KIF25: variants seen among roughly 807,000 people sequenced by gnomAD.
The protein encoded by KIF25 is kinesin family member 25.
A neutral mutation model predicts 32.9 loss-of-function variants in KIF25; 19 were observed. The observed-to-expected ratio is 0.58, with a 90% CI of 0.40 to 0.85. The LOEUF is 0.85. Ranked by LOEUF, KIF25 falls within the 40% of genes least tolerant of loss-of-function variation. KIF25 has a pLI of 0.00. For synonymous variants in KIF25, 225 were observed against 213.7 expected, an observed-to-expected ratio of 1.05 and a Z score of -0.46; for missense variants, 485 against 507.0, an observed-to-expected ratio of 0.96 and a Z score of 0.42.
chr6:168,028,935 A>G (rs573432951), intron 5 of KIF25, among the ~76,000 whole-genome samples: 1 of 152,174 alleles, frequency 6.6e-6, no homozygotes, highest in Admixed American at 6.5e-5. Flanking sequence ...TAATTTTATG[A>G]CCTGCTGTTT....
rs751709752 is a variant in KIF25 at position 168,033,893 on chromosome 6, G to A, written c.179G>A (p.Cys60Tyr). The change falls in exon 8 of 13, where the codon TGT (cysteine) becomes TAT (tyrosine). Residue 60 changes from cysteine to tyrosine, a missense_variant. Cys to Tyr is a radical substitution (Grantham distance 194). Around this residue, in one of 2 missense-constraint regions of KIF25, gnomAD observed 480 missense variants for 470.3 expected, o/e 1.02. Transcript: ENST00000643607. ...LTSLLDGYNV[C>Y]VMAYGQTGSG... is the part of the protein sequence containing the mutation. ...GCTCTGAATTTTAGGTACAATGTTT[G>A]TGTTATGGCGTATGGACAGACGGGC... 6.2e-7 allele frequency: 1 copy of A among 1,613,958 alleles called. No individual in the cohort carries two copies. The highest frequency in any genetic ancestry group is 8.5e-7 in the Non-Finnish European group (1 of 1,179,824).
chr6:168,016,540 C>T (rs886388082), intron 4 of KIF25, among the ~76,000 whole-genome samples: 13 of 152,222 alleles, frequency 8.5e-5, no homozygotes, highest in African/African-American at 2.9e-4. Context: ...GGATACAAAT[C>T]ACGGTAGCAA....
In KIF25 at chr6:168,011,603, C is replaced by T. The variant is rs116826746; in HGVS notation, c.-162-6370C>T. ...GACTTATATGTGACTTAATGCTTTT[C>T]TCTTGCTGCTTTTAAAATTATTTGT... On this transcript the variant is annotated intron_variant, in intron 4 of 12. Transcript: ENST00000643607. Among the ~76,000 whole-genome samples the T allele has an allele frequency of 4.5e-3, 689 of 152,300 alleles. 3 individuals carry two copies. The highest frequency in any genetic ancestry group is 0.014 in the Middle Eastern group (4 of 294).
chr6:168,022,676 C>T (rs1011542407), intron 5 of KIF25, among the ~76,000 whole-genome samples: 36 of 151,890 alleles, frequency 2.4e-4, no homozygotes, highest in African/African-American at 8.2e-4. Flanking sequence ...TTTGTTGCCA[C>T]TGACTGTAGT....
chr6:168,030,921 G>A (rs747460661), intron 7 of KIF25, 74 bp downstream of exon 7: 166 of 1,214,192 alleles, frequency 1.4e-4, no homozygotes, highest in Non-Finnish European at 1.8e-4. Flanking sequence ...GTGCTGTGGA[G>A]TGAGAATGTA....
chr6:168,038,650 A>G lies in KIF25; in HGVS notation c.415A>G (p.Ile139Val). The change falls in exon 9 of 13, where the codon ATT (isoleucine) becomes GTT (valine). Residue 139 changes from isoleucine (I) to valine (V), a missense_variant. Coordinates refer to ENST00000643607, the MANE Select transcript of KIF25 (RefSeq NM_030615.4). The part of the protein sequence containing the change: ...DIFDLLAKDS[I>V]AAVSGVKREV... ...TTTTGACCTTCTGGCCAAAGACAGC[A>G]TTGCAGCAGTGTCGGGGGTCAAGCG... 6.2e-7 allele frequency: 1 copy of G among 1,614,220 alleles called. No homozygotes were observed. The highest frequency in any genetic ancestry group is 8.5e-7 in the Non-Finnish European group (1 of 1,180,040).
chr6:168,008,853 G>T (rs565742672), intron 4 of KIF25, among the ~76,000 whole-genome samples: 26 of 152,058 alleles, frequency 1.7e-4, no homozygotes, highest in African/African-American at 6.0e-4. Flanking sequence ...AAATGGGAGT[G>T]CCTTTTAAAT....
chr6:168,030,823 C>G lies in KIF25; in HGVS notation c.143C>G (p.Pro48Arg), dbSNP rs202244742. 1.9e-5 allele frequency: 31 copies of G among 1,613,078 alleles called. No individual in the cohort carries two copies. Among genetic ancestry groups the G allele is most frequent in the Non-Finnish European group, 2.5e-5 (30 of 1,179,490 alleles). The change falls in exon 7 of 13, where the codon CCC (proline) becomes CGC (arginine). Residue 48 changes from proline to arginine, a missense_variant. By Grantham distance (103) the Pro-to-Arg change is moderately radical (BLOSUM62 -2). Around this residue, in one of 2 missense-constraint regions of KIF25, gnomAD observed 480 missense variants for 470.3 expected, o/e 1.02. Coordinates refer to ENST00000643607, the MANE Select transcript of KIF25 (RefSeq NM_030615.4). ...AGCGCGGTCTTTGGAGATGTGTGCCCCCTACTCACTTCTCTCTTGGATGGG... is the reference window on the plus strand; with the variant it reads ...AGCGCGGTCTTTGGAGATGTGTGCCGCCTACTCACTTCTCTCTTGGATGGG... ...SQSAVFGDVC[P>R]LLTSLLDGYN...
intron 4 of KIF25, among the ~76,000 whole-genome samples, chr6:168,005,554 C>A (rs1279991493): frequency 6.6e-6 from 1 of 152,166 alleles, no homozygotes; most frequent in African/African-American, 2.4e-5. Flanking sequence ...GGAATAGATA[C>A]ATATGTAGAG....
intron 3 of KIF25, among the ~76,000 whole-genome samples, 156 bp from the exon 4 acceptor site, chr6:168,003,458 A>G (rs570732660): frequency 6.7e-6 from 1 of 149,404 alleles, no homozygotes; most frequent in East Asian, 1.9e-4. Context: ...AGAGACAGAG[A>G]TGATGGCAGA....
intron 8 of KIF25, among the ~76,000 whole-genome samples, chr6:168,038,175 T>G (rs60643150): frequency 0.024 from 3,589 of 152,220 alleles, 160 homozygotes; most frequent in African/African-American, 0.082. Context: ...AGTGCTAGAG[T>G]CCTGAACATC....
At chr6:168,006,500 A>G (rs1798581868) in intron 4 of KIF25, among the ~76,000 whole-genome samples, 1 of 152,156 alleles carries the variant, frequency 6.6e-6, no homozygotes, top group Non-Finnish European at 1.5e-5. Flanking sequence ...GATATTCCAC[A>G]CTTGTGGCAC....
rs185157742 is a variant in KIF25 at position 168,044,014 on chromosome 6, C to A, written c.986-813C>A. 3.3e-4 allele frequency among the ~76,000 whole-genome samples: 51 copies of A among 152,290 alleles called. 1 individual carries two copies. The highest frequency in any genetic ancestry group is 3.5e-4 in the Non-Finnish European group (24 of 68,004). On this transcript the variant is annotated intron_variant, in intron 12 of 12. Coordinates refer to ENST00000643607, the MANE Select transcript of KIF25 (RefSeq NM_030615.4). ...TGAGGGAGATCTAGAAAGAACAGCCCCAGGGGGCTGAGCGTCCCTCAGGGT... is the reference window on the plus strand; with the variant it reads ...TGAGGGAGATCTAGAAAGAACAGCCACAGGGGGCTGAGCGTCCCTCAGGGT...
At chr6:168,012,181 T>C (rs1243382277) in intron 4 of KIF25, among the ~76,000 whole-genome samples, 1 of 152,214 alleles carries the variant, frequency 6.6e-6, no homozygotes, top group African/African-American at 2.4e-5. Flanking sequence ...TGGTATTTCA[T>C]ATATTTCCTT....
At chr6:168,041,856 G>A in intron 10 of KIF25, 113 bp from the exon 11 acceptor site, 1 of 983,816 alleles carries the variant, frequency 1.0e-6, no homozygotes, top group Non-Finnish European at 1.5e-6. Flanking sequence ...CTGGGTGGGA[G>A]GTGTGGGCAG....
At chr6:168,019,407 CGTT>C (rs1489863485) in intron 5 of KIF25, among the ~76,000 whole-genome samples, 3 of 152,084 alleles carry the variant, frequency 2.0e-5, no homozygotes, top group Admixed American at 6.5e-5. Context: ...AATGTAAACA[CGTT>C]GAGTGGAGAT....
intron 12 of KIF25, among the ~76,000 whole-genome samples, chr6:168,043,678 T>C (rs538927662): frequency 6.8e-4 from 104 of 152,316 alleles, no homozygotes; most frequent in African/African-American, 2.4e-3. Flanking sequence ...CAGGGCGACC[T>C]GGGTCAGGGG....
chr6:168,022,479 G>A (rs534658755), intron 5 of KIF25, among the ~76,000 whole-genome samples: 1 of 152,264 alleles, frequency 6.6e-6, no homozygotes, highest in African/African-American at 2.4e-5. Context: ...AGGCTGGAGT[G>A]CAGTGCTGCA....
chr6:168,042,193 G>A (rs756777726), intron 11 of KIF25, 42 bp downstream of exon 11: 12 of 1,529,852 alleles, frequency 7.8e-6, no homozygotes, highest in Non-Finnish European at 1.1e-5. Flanking sequence ...GGGTGCTGCA[G>A]AAGCCTATGA....
Sources: gnomAD v4.1 joint callset for allele counts (sites outside exome capture counted in the v4.1 genomes callset) on GRCh38, gnomAD v4.1.1 for gene constraint, gnomAD v4.1.1 regional missense constraint, MANE v1.5 for transcripts, NCBI Gene and HGNC (gene_info 2026-07-23, HGNC 2026-07-21) for gene names.